STK33: variants seen among roughly 807,000 people sequenced by gnomAD.
STK33 encodes serine/threonine-protein kinase 33.
STK33 carries 52 observed loss-of-function variants against 58.0 expected under a neutral mutation model. That is an observed-to-expected ratio of 0.90 (90% CI 0.72 to 1.13). STK33 has a LOEUF of 1.13. Ranked by LOEUF, STK33 falls within the 50% of genes most tolerant of loss-of-function variation. STK33 has a pLI of 0.00. For missense variants in STK33, 630 were observed against 604.2 expected (o/e 1.04, Z -0.45); for synonymous variants, 215 against 200.1 (o/e 1.07, Z -0.63).
chr11:8,585,213 GCA>G, intron 1 of STK33, among the ~76,000 whole-genome samples: 1 of 136,448 alleles, frequency 7.3e-6, no homozygotes, highest in East Asian at 2.2e-4. Context: ...GTGAGCCACT[GCA>G]CCCAGCATTT....
intron 11 of STK33, among the ~76,000 whole-genome samples, chr11:8,445,147 A>G (rs1275417120): frequency 6.6e-6 from 1 of 152,168 alleles, no homozygotes; most frequent in Admixed American, 6.5e-5. Context: ...CTTTGTAGCA[A>G]CTGTGAATGG....
intron 15 of STK33, among the ~76,000 whole-genome samples, chr11:8,399,763 G>A (rs1277614999): frequency 6.6e-6 from 1 of 152,040 alleles, no homozygotes; most frequent in Non-Finnish European, 1.5e-5. Flanking sequence ...TCAAATAGAT[G>A]CAACAAAAAA....
chr11:8,401,166 T>A (rs1276427857), intron 15 of STK33, among the ~76,000 whole-genome samples: 1 of 152,084 alleles, frequency 6.6e-6, no homozygotes, highest in Non-Finnish European at 1.5e-5. Flanking sequence ...GCCAAGTCAA[T>A]CCTAAGCCAA....
At chr11:8,566,155 GTTAA>G (rs1481943398) in intron 1 of STK33, among the ~76,000 whole-genome samples, 1 of 152,196 alleles carries the variant, frequency 6.6e-6, no homozygotes, top group East Asian at 1.9e-4. Context: ...TAAGACTCTA[GTTAA>G]TTAATTATAT....
intron 12 of STK33, among the ~76,000 whole-genome samples, chr11:8,439,025 T>A (rs1485682692): frequency 3.3e-5 from 5 of 152,180 alleles, no homozygotes; most frequent in African/African-American, 1.2e-4. Flanking sequence ...ACTACTGTGA[T>A]GTCAATATTT....
the STK33 span, among the ~76,000 whole-genome samples, chr11:8,343,783 T>G: frequency 6.6e-6 from 1 of 151,894 alleles, no homozygotes; most frequent in Admixed American, 6.5e-5. Context: ...GCCTTGACCC[T>G]CTGGTGGCTC....
At position 8,526,303 on chromosome 11, in the gene STK33, A is replaced by C. The variant is rs192453525; in HGVS notation, c.-465-45689T>G. On this transcript the variant is annotated intron_variant, in intron 1 of 15. Coordinates refer to ENST00000687296, the MANE Select transcript of STK33 (RefSeq NM_001352389.2). ...GCTACTCGGGAGGCTGAGGCAGGAG[A>C]ATCGCTTGAACCCAGGAGGCAGAGG... Among the ~76,000 whole-genome samples, 46 of 152,062 alleles carry C rather than the reference A, an allele frequency of 3.0e-4. No homozygotes were observed. The East Asian group carries it at 7.3e-3, about 24-fold the overall frequency.
chr11:8,540,908 AAAGT>A (rs1955455774), intron 1 of STK33, among the ~76,000 whole-genome samples: 1 of 152,014 alleles, frequency 6.6e-6, no homozygotes, highest in South Asian at 2.1e-4. Flanking sequence ...TTGTCATGAA[AAAGT>A]AATTATGTGA....
intron 14 of STK33, among the ~76,000 whole-genome samples, chr11:8,421,442 TC>T (rs1941908655): frequency 6.6e-6 from 1 of 152,228 alleles, no homozygotes; most frequent in African/African-American, 2.4e-5. Flanking sequence ...CAGAAAAAGT[TC>T]CAGATACACC....
At chr11:8,363,390 C>T in the STK33 span, among the ~76,000 whole-genome samples, 1 of 152,222 alleles carries the variant, frequency 6.6e-6, no homozygotes, top group African/African-American at 2.4e-5. Flanking sequence ...TGCCTGAAAC[C>T]ACCACCCAAA....
At chr11:8,465,289 T>G (rs1948041579) in intron 6 of STK33, 1 of 152,246 alleles carries the variant, frequency 6.6e-6, no homozygotes, top group African/African-American at 2.4e-5. Context: ...TAACAACTAA[T>G]GCTTTTCCTG....
chr11:8,489,433 A>C (rs781518518), intron 1 of STK33, among the ~76,000 whole-genome samples: 1 of 152,154 alleles, frequency 6.6e-6, no homozygotes, highest in Non-Finnish European at 1.5e-5. Context: ...AAAGAACAGA[A>C]GCTTATTTGG....
intron 14 of STK33, among the ~76,000 whole-genome samples, chr11:8,433,400 G>A (rs1943648172): frequency 6.6e-6 from 1 of 152,080 alleles, no homozygotes; most frequent in African/African-American, 2.4e-5. Flanking sequence ...ATGTTGCTGG[G>A]ACCTCTTCTC....
intron 15 of STK33, among the ~76,000 whole-genome samples, chr11:8,399,727 C>T (rs889051224): frequency 1.3e-5 from 2 of 151,994 alleles, no homozygotes; most frequent in African/African-American, 4.8e-5. Context: ...ACTAGCAAGA[C>T]TAATAAAGAA....
the STK33 span, among the ~76,000 whole-genome samples, chr11:8,343,240 T>C: frequency 2.6e-4 from 40 of 152,366 alleles, 1 homozygote; most frequent in East Asian, 6.8e-3. Context: ...TGCTGTGCCC[T>C]GGGGCAGGAA....
Position 8,496,731 on chromosome 11 carries a change from C to G in STK33, c.-465-16117G>C, listed in dbSNP as rs190983535. Among the ~76,000 whole-genome samples, 414 of 152,066 alleles carry G rather than the reference C, an allele frequency of 2.7e-3. 2 individuals carry two copies. The highest frequency in any genetic ancestry group is 9.5e-3 in the African/African-American group (396 of 41,486). ...CTGGGACTACAGGTGCCCACCACCACGCCCGGCTAATTTTTTATATTTTTA... is the reference window on the plus strand; with the variant it reads ...CTGGGACTACAGGTGCCCACCACCAGGCCCGGCTAATTTTTTATATTTTTA... On this transcript the variant is annotated intron_variant, in intron 1 of 15. Coordinates refer to ENST00000687296, the MANE Select transcript of STK33 (RefSeq NM_001352389.2).
chr11:8,358,642 G>A, the STK33 span, among the ~76,000 whole-genome samples: 20 of 152,312 alleles, frequency 1.3e-4, no homozygotes, highest in Non-Finnish European at 2.6e-4. Context: ...GAGAGGGGGC[G>A]GGTGCTGCGA....
chr11:8,344,376 T>C, the STK33 span, among the ~76,000 whole-genome samples: 1 of 152,198 alleles, frequency 6.6e-6, no homozygotes, highest in African/African-American at 2.4e-5. Flanking sequence ...AGCGTGAGCC[T>C]GTCTCCAATA....
intron 15 of STK33, among the ~76,000 whole-genome samples, chr11:8,393,600 C>T (rs1848869600): frequency 6.6e-6 from 1 of 152,156 alleles, no homozygotes; most frequent in South Asian, 2.1e-4. Flanking sequence ...TAGGGAAGCT[C>T]TGGTTTACAG....
Sources: allele counts gnomAD v4.1 joint callset (sites outside exome capture counted in the v4.1 genomes callset), GRCh38; gene constraint gnomAD v4.1.1; transcripts MANE v1.5; gene names NCBI Gene and HGNC (gene_info 2026-07-23, HGNC 2026-07-21).